Variants in THEMIS observed in about 807,000 individuals in gnomAD.
The protein encoded by THEMIS is thymocyte selection associated.
THEMIS carries 37 observed loss-of-function variants against 52.6 expected under a neutral mutation model. That is an observed-to-expected ratio of 0.70 (90% CI 0.54 to 0.93). THEMIS has a LOEUF of 0.93. Ranked by LOEUF, THEMIS falls within the 40% of genes least tolerant of loss-of-function variation. The pLI, the probability that THEMIS is intolerant of heterozygous loss-of-function variation, is 0.00. For missense variants in THEMIS, 808 were observed against 763.1 expected, an observed-to-expected ratio of 1.06 and a Z score of -0.69; for synonymous variants, 292 against 272.7, an observed-to-expected ratio of 1.07 and a Z score of -0.70.
At chr6:127,818,578 C>G (rs1198403105) in intron 3 of THEMIS, among the ~76,000 whole-genome samples, 2 of 136,242 alleles carry the variant, frequency 1.5e-5, no homozygotes, top group African/African-American at 5.4e-5. Flanking sequence ...TCATGTCTGG[C>G]TTTCAAAAAA....
intron 4 of THEMIS, among the ~76,000 whole-genome samples, chr6:127,740,024 G>A (rs1775144479): frequency 6.6e-6 from 1 of 152,170 alleles, no homozygotes; most frequent in Non-Finnish European, 1.5e-5. Context: ...ATCTCTGGCT[G>A]TACCCACGGG....
chr6:127,745,553 T>C (rs1434912483), intron 4 of THEMIS, among the ~76,000 whole-genome samples: 1 of 151,804 alleles, frequency 6.6e-6, no homozygotes, highest in East Asian at 1.9e-4. Context: ...CAACATAATA[T>C]ATTGGTATTA....
chr6:127,829,901 T>C lies in THEMIS; in HGVS notation c.284A>G (p.Tyr95Cys). The C allele has an allele frequency of 1.2e-6, 2 of 1,612,732 alleles. No individual in the cohort carries two copies. Among genetic ancestry groups the C allele is most frequent in the Non-Finnish European group, 8.5e-7 (1 of 1,179,390 alleles). ...CCTTGTGATTTCTTCCATAGTAAGG[T>C]ATGGAGTTTTATCAGCCACAATCTT... ...LFKIVADKTP[Y>C]LTMEEITRTI... The change falls in exon 3 of 6, where the codon TAC becomes TGC. Residue 95 changes from tyrosine to cysteine, a missense_variant. Physicochemically the swap from Tyr to Cys is radical, Grantham distance 194 (BLOSUM62 -2). Transcript: ENST00000368248.
chr6:127,802,596 T>C (rs1265764918), intron 4 of THEMIS, among the ~76,000 whole-genome samples: 1 of 152,234 alleles, frequency 6.6e-6, no homozygotes, highest in Non-Finnish European at 1.5e-5. Context: ...ACTTAAATTA[T>C]ACAAACAGAA....
At chr6:127,848,170 G>A (rs1045501733) in intron 2 of THEMIS, among the ~76,000 whole-genome samples, 7 of 149,108 alleles carry the variant, frequency 4.7e-5, no homozygotes, top group East Asian at 2.0e-4. Flanking sequence ...GAGAACATGC[G>A]GTGTTTGGTT....
chr6:127,868,379 T>C, intron 1 of THEMIS: 1 of 958,058 alleles, frequency 1.0e-6, no homozygotes. Flanking sequence ...TAAAAATTGG[T>C]ATTTTCTTTG....
chr6:127,900,090 C>T (rs963369473), intron 1 of THEMIS, among the ~76,000 whole-genome samples: 3 of 151,560 alleles, frequency 2.0e-5, no homozygotes, highest in Admixed American at 2.0e-4. Context: ...TTCAATTCTA[C>T]CACTCTTGAG....
At chr6:127,744,670 A>C (rs1775324190) in intron 4 of THEMIS, among the ~76,000 whole-genome samples, 1 of 152,018 alleles carries the variant, frequency 6.6e-6, no homozygotes, top group Non-Finnish European at 1.5e-5. Context: ...TTGCAAGGGG[A>C]TAAGAGGAGA....
At chr6:127,832,777 C>T (rs374213599) in intron 2 of THEMIS, among the ~76,000 whole-genome samples, 202 of 57,796 alleles carry the variant, frequency 3.5e-3, no homozygotes, top group South Asian at 8.5e-3. Flanking sequence ...ATTGTCAGAT[C>T]TTTTTTTTTT....
intron 4 of THEMIS, among the ~76,000 whole-genome samples, chr6:127,798,991 C>CAAAA (rs760389708): frequency 8.3e-4 from 59 of 71,480 alleles, no homozygotes; most frequent in South Asian, 2.0e-3. Context: ...GACTCCGTCT[C>CAAAA]AAAAAAAAAA....
At chr6:127,711,800 G>C (rs968430060) in intron 5 of THEMIS, among the ~76,000 whole-genome samples, 3 of 151,896 alleles carry the variant, frequency 2.0e-5, no homozygotes, top group Non-Finnish European at 4.4e-5. Flanking sequence ...TTTTCTTAGG[G>C]AGCAGGGGGA....
chr6:127,799,045 T>C (rs1268797330), intron 4 of THEMIS, among the ~76,000 whole-genome samples: 1 of 149,386 alleles, frequency 6.7e-6, no homozygotes, highest in Admixed American at 6.6e-5. Flanking sequence ...CAGAAGAGAA[T>C]AAAGTATTTG....
intron 4 of THEMIS, among the ~76,000 whole-genome samples, chr6:127,743,408 A>G (rs1775275851): frequency 6.6e-6 from 1 of 152,302 alleles, no homozygotes; most frequent in East Asian, 1.9e-4. Flanking sequence ...GAATGAAATG[A>G]AGGGAGAAAG....
intron 1 of THEMIS, among the ~76,000 whole-genome samples, chr6:127,914,124 A>C (rs1026065819): frequency 6.6e-6 from 1 of 152,182 alleles, no homozygotes; most frequent in Non-Finnish European, 1.5e-5. Context: ...CAATATTTTT[A>C]ATAATTTTGT....
At chr6:127,796,925 G>A (rs762202083) in intron 4 of THEMIS, among the ~76,000 whole-genome samples, 58 of 152,212 alleles carry the variant, frequency 3.8e-4, no homozygotes, top group Non-Finnish European at 7.9e-4. Flanking sequence ...AAAATCATGG[G>A]GAAATCCCAT....
intron 4 of THEMIS, among the ~76,000 whole-genome samples, chr6:127,734,922 T>A (rs1260736883): frequency 7.3e-6 from 1 of 136,644 alleles, no homozygotes; most frequent in Non-Finnish European, 1.6e-5. Context: ...TATGTGTGTG[T>A]GTGTGTGTGT....
intron 2 of THEMIS, among the ~76,000 whole-genome samples, chr6:127,851,530 A>C (rs1313954855): frequency 2.0e-5 from 3 of 151,758 alleles, no homozygotes; most frequent in Non-Finnish European, 4.4e-5. Flanking sequence ...AATGAGCAAA[A>C]GACTTGAACA....
intron 4 of THEMIS, among the ~76,000 whole-genome samples, chr6:127,811,942 T>A (rs1446520894): frequency 6.6e-6 from 1 of 152,216 alleles, no homozygotes; most frequent in East Asian, 1.9e-4. Flanking sequence ...ATGCAATATC[T>A]GAGATGTAGA....
At chr6:127,831,761 A>G (rs1562286873) in intron 2 of THEMIS, among the ~76,000 whole-genome samples, 1 of 152,322 alleles carries the variant, frequency 6.6e-6, no homozygotes, top group East Asian at 1.9e-4. Context: ...AAAAACTTTT[A>G]GAAATAGAAT....
Sources: allele counts gnomAD v4.1 joint callset (sites outside exome capture counted in the v4.1 genomes callset), GRCh38; gene constraint gnomAD v4.1.1; transcripts MANE v1.5; gene names NCBI Gene and HGNC (gene_info 2026-07-23, HGNC 2026-07-21).